EPM2A: variants seen among roughly 807,000 people sequenced by gnomAD.
EPM2A encodes the protein laforin.
EPM2A carries 21 observed loss-of-function variants against 26.5 expected under a neutral mutation model. The ratio of observed to expected loss-of-function variants is 0.79; its 90% CI spans 0.56 to 1.14. The LOEUF is 1.14. Among genes scored for constraint, EPM2A ranks in the 50% most tolerant of loss-of-function variants. EPM2A has a pLI of 0.00. For missense variants in EPM2A, 458 were observed against 440.8 expected (o/e 1.04, Z -0.35); for synonymous variants, 217 against 177.6 (o/e 1.22, Z -1.76).
At chr6:145,718,010 G>C (rs1265865033) in intron 1 of EPM2A, among the ~76,000 whole-genome samples, 1 of 151,176 alleles carries the variant, frequency 6.6e-6, no homozygotes, top group Non-Finnish European at 1.5e-5. Flanking sequence ...TCATGGGTAG[G>C]AAGAATCAAT....
intron 2 of EPM2A, among the ~76,000 whole-genome samples, chr6:145,594,492 T>C (rs1460719995): frequency 6.6e-6 from 1 of 151,788 alleles, no homozygotes; most frequent in South Asian, 2.1e-4. Flanking sequence ...TCGATAGATA[T>C]TACAAGAAAG....
chr6:145,698,534 C>A (rs1181935344), intron 1 of EPM2A, among the ~76,000 whole-genome samples: 3 of 148,490 alleles, frequency 2.0e-5, no homozygotes, highest in Non-Finnish European at 3.0e-5. Context: ...AATAGTACAA[C>A]AAAAAACTTC....
intron 4 of EPM2A, among the ~76,000 whole-genome samples, chr6:145,394,153 G>A (rs1778374260): frequency 6.6e-6 from 1 of 152,094 alleles, no homozygotes; most frequent in Admixed American, 6.6e-5. Flanking sequence ...GGCAAAGCCA[G>A]GGCATCCTCA....
At chr6:145,621,903 G>C (rs117779809), downstream of EPM2A, among the ~76,000 whole-genome samples, 1 of 151,994 alleles carries the variant, frequency 6.6e-6, no homozygotes, top group Admixed American at 6.6e-5. Flanking sequence ...CTTTTCATTT[G>C]TTTTCTTGTT....
chr6:145,590,827 A>G (rs1318448542), intron 2 of EPM2A, among the ~76,000 whole-genome samples: 1 of 152,184 alleles, frequency 6.6e-6, no homozygotes, highest in Non-Finnish European at 1.5e-5. Context: ...AAAAAATCAT[A>G]ATAATAACAG....
chr6:145,440,634 C>T (rs376612389), intron 4 of EPM2A, among the ~76,000 whole-genome samples: 1 of 152,172 alleles, frequency 6.6e-6, no homozygotes, highest in East Asian at 1.9e-4. Context: ...GGGGTACAGG[C>T]ATTGGTTAAA....
chr6:145,719,775 C>T (rs1225313710), intron 1 of EPM2A, among the ~76,000 whole-genome samples: 1 of 152,114 alleles, frequency 6.6e-6, no homozygotes, highest in East Asian at 1.9e-4. Context: ...GTACCTATCA[C>T]AATTCCAGGT....
At chr6:145,468,502 T>C (rs1779429581) in intron 4 of EPM2A, among the ~76,000 whole-genome samples, 1 of 152,102 alleles carries the variant, frequency 6.6e-6, no homozygotes, top group Non-Finnish European at 1.5e-5. Context: ...ATAACAAATA[T>C]CTAAAATATA....
chr6:145,442,751 C>T (rs987732392), intron 4 of EPM2A, among the ~76,000 whole-genome samples: 2 of 151,994 alleles, frequency 1.3e-5, no homozygotes, highest in African/African-American at 4.8e-5. Context: ...TTTCTGGGCT[C>T]TCTATTCTGT....
At chr6:145,549,384 A>T (rs972152260) in intron 2 of EPM2A, among the ~76,000 whole-genome samples, 2 of 152,148 alleles carry the variant, frequency 1.3e-5, no homozygotes, top group Admixed American at 6.6e-5. Context: ...AATTGTTTTC[A>T]TGATTTATAC....
chr6:145,428,211 CCTTA>C (rs1778877042), intron 4 of EPM2A, among the ~76,000 whole-genome samples: 1 of 150,278 alleles, frequency 6.7e-6, no homozygotes, highest in African/African-American at 2.4e-5. Flanking sequence ...TTTGTATTTT[CCTTA>C]CTATCTTAAA....
chr6:145,730,144 G>A (rs770987857), intron 1 of EPM2A, among the ~76,000 whole-genome samples: 3 of 152,136 alleles, frequency 2.0e-5, no homozygotes, highest in Admixed American at 6.5e-5. Context: ...GTGAAACCAT[G>A]AGCCAATTAA....
chr6:145,506,337 A>T (rs1254800273), intron 2 of EPM2A, among the ~76,000 whole-genome samples: 1 of 152,226 alleles, frequency 6.6e-6, no homozygotes, highest in Non-Finnish European at 1.5e-5. Context: ...TTATCTTTTC[A>T]TCCAGGAATT....
chr6:145,732,329 G>A (rs7741139), intron 1 of EPM2A, among the ~76,000 whole-genome samples: 9,969 of 151,356 alleles, frequency 0.066, 1,119 homozygotes, highest in African/African-American at 0.22. Context: ...ATAGGATTAT[G>A]AGAATGAACT....
At chr6:145,662,762 C>T (rs1396486343) in intron 2 of EPM2A, among the ~76,000 whole-genome samples, 1 of 152,058 alleles carries the variant, frequency 6.6e-6, no homozygotes. Flanking sequence ...ATGAGGAACC[C>T]GATCAGATAT....
At chr6:145,550,387 C>A (rs1021490817) in intron 2 of EPM2A, among the ~76,000 whole-genome samples, 1 of 152,008 alleles carries the variant, frequency 6.6e-6, no homozygotes, top group African/African-American at 2.4e-5. Flanking sequence ...AGCTTTTATA[C>A]CTCACCGGGT....
chr6:145,473,885 T>C (rs927600509), intron 4 of EPM2A, among the ~76,000 whole-genome samples: 4 of 152,058 alleles, frequency 2.6e-5, no homozygotes, highest in Non-Finnish European at 2.9e-5. Context: ...ATTTTATCAA[T>C]ACCAGAGCTG....
chr6:145,596,771 C>T (rs1012544202), intron 2 of EPM2A, among the ~76,000 whole-genome samples: 1 of 151,116 alleles, frequency 6.6e-6, no homozygotes, highest in African/African-American at 2.4e-5. Context: ...GACTCTCTCA[C>T]ATTCTGCTAT....
At chr6:145,438,675 T>C (rs2114698547) in intron 4 of EPM2A, among the ~76,000 whole-genome samples, 1 of 152,144 alleles carries the variant, frequency 6.6e-6, no homozygotes, top group South Asian at 2.1e-4. Context: ...GGTTTCACCA[T>C]GTTGGTCAGG....
Sources: gnomAD v4.1 joint callset for allele counts (sites outside exome capture counted in the v4.1 genomes callset) on GRCh38, gnomAD v4.1.1 for gene constraint, MANE v1.5 for transcripts, NCBI Gene and HGNC (gene_info 2026-07-23, HGNC 2026-07-21) for gene names.